Variants in SYNPR observed in about 807,000 individuals in gnomAD.
SYNPR encodes synaptoporin.
In SYNPR, 23 loss-of-function variants were observed where a neutral mutation model predicts 32.9. The observed-to-expected ratio is 0.70, with a 90% CI of 0.50 to 0.99. SYNPR has a LOEUF of 0.99. Among genes scored for constraint, SYNPR ranks in the 50% least tolerant of loss-of-function variants. The pLI, the probability that SYNPR is intolerant of heterozygous loss-of-function variation, is 0.00. For synonymous variants in SYNPR, 146 were observed against 135.9 expected (o/e 1.07, Z -0.52); for missense variants, 318 against 349.3 (o/e 0.91, Z 0.71).
chr3:63,534,337 T>C (rs1702164235), intron 3 of SYNPR, among the ~76,000 whole-genome samples: 1 of 152,178 alleles, frequency 6.6e-6, no homozygotes, highest in Non-Finnish European at 1.5e-5. Flanking sequence ...AAGTTATAGC[T>C]AGAAGAAAAA....
In SYNPR at chr3:63,385,231, T is replaced by C. The variant is rs2088024919; in HGVS notation, c.85-95601T>C. On this transcript the variant is annotated intron_variant, in intron 2 of 5. Coordinates refer to ENST00000478300, the MANE Select transcript of SYNPR (RefSeq NM_001130003.2). ...ATTCTTCCCAAATACTCCACAATGC[T>C]TTGAACAGGACTATTATTTTCCCTC... Among the ~76,000 whole-genome samples, 3 of 152,204 alleles carry C rather than the reference T, an allele frequency of 2.0e-5. No homozygotes were observed. In the South Asian group the frequency reaches 6.2e-4, roughly 32 times the overall value.
intron 5 of SYNPR, among the ~76,000 whole-genome samples, chr3:63,613,610 CAAAAAAAAAAAAAAAAA>C (rs10566584): frequency 4.3e-5 from 2 of 46,028 alleles, no homozygotes; most frequent in South Asian, 1.7e-3. Context: ...TATGCTGCAG[CAAAAAAAAAAAAAAAAA>C]AAAAAAAAAA....
intron 3 of SYNPR, chr3:63,545,684 A>C (rs1292046528): frequency 1.3e-5 from 2 of 152,142 alleles, no homozygotes; most frequent in African/African-American, 4.8e-5. Context: ...CAGTATATTA[A>C]AGATTGTGTT....
rs149470092 is a variant in SYNPR, at chr3:63,347,658, G to C, written c.84+68916G>C. 3.4e-3 allele frequency among the ~76,000 whole-genome samples: 524 copies of C among 152,150 alleles called. 6 individuals are homozygous for C. The highest frequency in any genetic ancestry group is 0.012 in the African/African-American group (497 of 41,496). ...CCTTCCAGCCTTCCAAGTCTCCAAA[G>C]TCTGTTATTCCACATTCTATGTCCC... On this transcript the variant is annotated intron_variant, in intron 2 of 5. Transcript: ENST00000478300.
chr3:63,336,885 T>G (rs2106994170), intron 2 of SYNPR, among the ~76,000 whole-genome samples: 1 of 152,162 alleles, frequency 6.6e-6, no homozygotes, highest in Admixed American at 6.5e-5. Flanking sequence ...ATATAAAAAA[T>G]TATTAATACT....
At chr3:63,338,731 CA>C (rs1317633816) in intron 2 of SYNPR, among the ~76,000 whole-genome samples, 1 of 152,220 alleles carries the variant, frequency 6.6e-6, no homozygotes, top group Non-Finnish European at 1.5e-5. Context: ...ACGATCTGAA[CA>C]CATACTCTAG....
At chr3:63,352,720 A>C (rs1575607374) in intron 2 of SYNPR, among the ~76,000 whole-genome samples, 1 of 152,226 alleles carries the variant, frequency 6.6e-6, no homozygotes, top group South Asian at 2.1e-4. Context: ...TAATTGACTC[A>C]CAGTTCCACA....
At position 63,390,127 on chromosome 3, in the gene SYNPR, T is replaced by G. The variant is rs2088112246; in HGVS notation, c.85-90705T>G. ...GAGAAAACCACGTGAAATCTCAGCA[T>G]TCTTACCCTGCACACAAATTGGGAA... is the stretch of plus-strand genomic sequence containing the variant. On this transcript the variant is annotated intron_variant, in intron 2 of 5. Transcript: ENST00000478300. Among the ~76,000 whole-genome samples the G allele has an allele frequency of 2.0e-5, 3 of 152,210 alleles. No individual in the cohort carries two copies. In the South Asian group the frequency reaches 6.2e-4, roughly 31 times the overall value.
At chr3:63,543,983 G>C (rs1027763) in intron 3 of SYNPR, among the ~76,000 whole-genome samples, 36,987 of 151,950 alleles carry the variant, frequency 0.24, 4,603 homozygotes, top group Admixed American at 0.32. Context: ...TGGTAGCAAA[G>C]GAGTGGCCAT....
At chr3:63,562,884 C>T (rs1021581826) in intron 4 of SYNPR, among the ~76,000 whole-genome samples, 1 of 152,120 alleles carries the variant, frequency 6.6e-6, no homozygotes, top group African/African-American at 2.4e-5. Context: ...GAAGCTGTTA[C>T]TTCACGTATA....
chr3:63,370,146 G>A (rs1019683379), intron 2 of SYNPR, among the ~76,000 whole-genome samples: 10 of 152,274 alleles, frequency 6.6e-5, no homozygotes, highest in African/African-American at 9.6e-5. Flanking sequence ...GAGGAGATAC[G>A]TAAATGAGAG....
chr3:63,375,356 C>G (rs1047523015), intron 2 of SYNPR, among the ~76,000 whole-genome samples: 1 of 152,070 alleles, frequency 6.6e-6, no homozygotes, highest in African/African-American at 2.4e-5. Flanking sequence ...ATTAAGAAAA[C>G]ATGGCACATA....
At chr3:63,561,997 G>A (rs1702698688) in intron 4 of SYNPR, among the ~76,000 whole-genome samples, 2 of 152,086 alleles carry the variant, frequency 1.3e-5, no homozygotes, top group African/African-American at 4.8e-5. Flanking sequence ...AGAAAATTGG[G>A]CCAAAGAAAT....
chr3:63,556,615 C>T lies in SYNPR; in HGVS notation c.282C>T (p.Asp94=). The T allele has an allele frequency of 6.2e-7, 1 of 1,613,870 alleles. No individual in the cohort carries two copies. The highest frequency in any genetic ancestry group is 8.5e-7 in the Non-Finnish European group (1 of 1,179,836). Residue 94 remains aspartate (D), a synonymous_variant, in exon 4 of 6, where the codon GAC becomes GAT. Coordinates refer to ENST00000478300, the MANE Select transcript of SYNPR (RefSeq NM_001130003.2). ...KERQKLALIG[D]SSSSAEFFVT... is the part of the protein sequence containing the mutation. ...GGCAGAAGCTGGCATTGATTGGTGA[C>T]TCCTCGTCTTCAGCAGAGTTCTTCG...
the SYNPR span, among the ~76,000 whole-genome samples, chr3:63,201,197 T>C: frequency 6.6e-6 from 1 of 152,160 alleles, no homozygotes; most frequent in African/African-American, 2.4e-5. Context: ...CTTCAGTTGA[T>C]TATAAGATAA....
intron 1 of SYNPR, among the ~76,000 whole-genome samples, chr3:63,240,274 T>G (rs2086231220): frequency 6.6e-6 from 1 of 152,186 alleles, no homozygotes; most frequent in African/African-American, 2.4e-5. Flanking sequence ...TAAAGTTAAT[T>G]ATATTATTAT....
At chr3:63,234,175 A>G (rs2086184371) in intron 1 of SYNPR, among the ~76,000 whole-genome samples, 1 of 152,192 alleles carries the variant, frequency 6.6e-6, no homozygotes, top group Non-Finnish European at 1.5e-5. Context: ...GTCACGTCTT[A>G]CATGGATGGC....
chr3:63,246,165 G>GA (rs2086287788), intron 1 of SYNPR, among the ~76,000 whole-genome samples: 1 of 152,120 alleles, frequency 6.6e-6, no homozygotes, highest in South Asian at 2.1e-4. Flanking sequence ...TAGGCTCAAA[G>GA]AAAAAATGTA....
At chr3:63,518,960 T>G (rs1054296664) in intron 3 of SYNPR, among the ~76,000 whole-genome samples, 1 of 152,212 alleles carries the variant, frequency 6.6e-6, no homozygotes, top group African/African-American at 2.4e-5. Flanking sequence ...GTTGAGGGTT[T>G]TTAACATCAA....
Sources: allele counts gnomAD v4.1 joint callset (sites outside exome capture counted in the v4.1 genomes callset), GRCh38; gene constraint gnomAD v4.1.1; transcripts MANE v1.5; gene names NCBI Gene and HGNC (gene_info 2026-07-23, HGNC 2026-07-21).